The following NRXN3 variants were observed in gnomAD, a reference collection of about 807,000 sequenced individuals.
NRXN3 encodes neurexin III.
Under a neutral mutation model 137.6 loss-of-function variants are expected in NRXN3, and 32 were observed. The ratio of observed to expected loss-of-function variants is 0.23; its 90% CI spans 0.18 to 0.31. The LOEUF (loss-of-function observed/expected upper bound fraction) is 0.31. NRXN3 is among the 10% of genes least tolerant of loss of function. NRXN3 has a pLI of 1.00. For missense variants in NRXN3, 1,574 were observed against 2,062.5 expected, an observed-to-expected ratio of 0.76 and a Z score of 4.59; for synonymous variants, 798 against 784.5, an observed-to-expected ratio of 1.02 and a Z score of -0.29.
chr14:78,459,158 G>T (rs1400256065), intron 4 of NRXN3, among the ~76,000 whole-genome samples: 1 of 152,172 alleles, frequency 6.6e-6, no homozygotes, highest in African/African-American at 2.4e-5. Context: ...TTTATTGCCA[G>T]CCACTGAAAT....
intron 16 of NRXN3, among the ~76,000 whole-genome samples, chr14:79,526,371 T>A (rs952341345): frequency 2.0e-5 from 3 of 152,114 alleles, no homozygotes; most frequent in African/African-American, 4.8e-5. Flanking sequence ...TAAAAAAATT[T>A]TTTTGCAGAG....
At chr14:79,466,961 T>C (rs1024998386) in intron 15 of NRXN3, among the ~76,000 whole-genome samples, 2 of 152,218 alleles carry the variant, frequency 1.3e-5, no homozygotes, top group African/African-American at 4.8e-5. Context: ...CCCTCCACCG[T>C]TATGCAGCGG....
intron 19 of NRXN3, among the ~76,000 whole-genome samples, chr14:79,790,040 T>C (rs2099140343): frequency 6.6e-6 from 1 of 152,212 alleles, no homozygotes; most frequent in Non-Finnish European, 1.5e-5. Flanking sequence ...GTCTGGGATA[T>C]GCTGACTGCT....
intron 16 of NRXN3, among the ~76,000 whole-genome samples, chr14:79,504,371 C>T (rs545831506): frequency 9.5e-4 from 144 of 151,716 alleles, no homozygotes; most frequent in Non-Finnish European, 1.6e-3. Flanking sequence ...TTTAATGTTC[C>T]GTCATATAAT....
rs529062646 is a variant in NRXN3 at position 79,862,421 on chromosome 14, A to G, written c.*457A>G. 1 of 153,070 alleles carries G rather than the reference A, an allele frequency of 6.5e-6. No homozygotes were observed. Among genetic ancestry groups the G allele is most frequent in the Admixed American group, 6.5e-5 (1 of 15,306 alleles). 9.5% of individuals were successfully genotyped at this position (153,070 alleles called of 1,614,324 possible). Reference sequence around the variant, plus strand: ...TTTTTTCTGTTTAATTATGTAAAAAACAAAACTACAACAACAAAAAAAGAA... The same window carrying G: ...TTTTTTCTGTTTAATTATGTAAAAAGCAAAACTACAACAACAAAAAAAGAA... On this transcript the variant is annotated 3_prime_UTR_variant, in exon 21 of 21. Coordinates refer to ENST00000335750, the MANE Select transcript of NRXN3 (RefSeq NM_001330195.2).
chr14:78,650,097 C>A (rs1397013458), intron 5 of NRXN3, among the ~76,000 whole-genome samples: 1 of 151,624 alleles, frequency 6.6e-6, no homozygotes, highest in Non-Finnish European at 1.5e-5. Flanking sequence ...CTTTTCTTTT[C>A]TTTTCTTTTA....
chr14:79,666,955 C>T (rs1411468065), intron 17 of NRXN3, among the ~76,000 whole-genome samples: 2 of 151,956 alleles, frequency 1.3e-5, no homozygotes, highest in Admixed American at 6.6e-5. Flanking sequence ...TATACTAGAT[C>T]GAGGTTTATG....
chr14:79,697,289 T>C (rs2098739151), intron 18 of NRXN3, among the ~76,000 whole-genome samples: 2 of 152,018 alleles, frequency 1.3e-5, no homozygotes, highest in South Asian at 4.1e-4. Context: ...TAATTTATTC[T>C]GGTCATCACC....
intron 20 of NRXN3, among the ~76,000 whole-genome samples, chr14:79,834,972 TCATAAC>T (rs750752315): frequency 1.3e-5 from 2 of 151,984 alleles, no homozygotes; most frequent in Non-Finnish European, 2.9e-5. Flanking sequence ...TAATAGCCTC[TCATAAC>T]CACCGTTCTA....
intron 6 of NRXN3, among the ~76,000 whole-genome samples, chr14:78,682,736 T>C (rs552745723): frequency 1.2e-3 from 181 of 152,186 alleles, no homozygotes; most frequent in African/African-American, 4.3e-3. Flanking sequence ...TGGGGCTTGT[T>C]GGGGAAAGAA....
rs1035630052 is a variant in NRXN3, at chr14:78,904,845, C to T, written c.2276-52397C>T. Among the ~76,000 whole-genome samples the T allele has an allele frequency of 2.6e-4, 39 of 152,018 alleles. 1 individual carries two copies. Among genetic ancestry groups the T allele is most frequent in the Non-Finnish European group, 1.2e-4 (8 of 67,982 alleles). On this transcript the variant is annotated intron_variant, in intron 10 of 20. Coordinates refer to ENST00000335750, the MANE Select transcript of NRXN3 (RefSeq NM_001330195.2). ...AGTTACTGAATATGAATGACCTTTC[C>T]CTACACGGCTTTTCATAGTATATTC...
intron 6 of NRXN3, among the ~76,000 whole-genome samples, chr14:78,690,722 A>G (rs1161042959): frequency 6.6e-6 from 1 of 152,188 alleles, no homozygotes. Context: ...AGATATATCT[A>G]CACAAATTTG....
chr14:78,656,494 A>G (rs889869234), intron 6 of NRXN3, among the ~76,000 whole-genome samples: 1 of 152,184 alleles, frequency 6.6e-6, no homozygotes, highest in Non-Finnish European at 1.5e-5. Context: ...GGCCCAAATT[A>G]TAAGACTGGG....
intron 17 of NRXN3, among the ~76,000 whole-genome samples, chr14:79,666,501 A>C (rs1436645783): frequency 6.6e-6 from 1 of 152,068 alleles, no homozygotes; most frequent in African/African-American, 2.4e-5. Flanking sequence ...GATATTTTTT[A>C]TTCTCCATTT....
chr14:78,610,057 G>A (rs1355777223), intron 4 of NRXN3, among the ~76,000 whole-genome samples: 1 of 151,918 alleles, frequency 6.6e-6, no homozygotes, highest in African/African-American at 2.4e-5. Context: ...AGAGAGAGGA[G>A]AGAGAGAAAG....
chr14:78,675,094 G>A (rs930252619), intron 6 of NRXN3, among the ~76,000 whole-genome samples: 3 of 152,162 alleles, frequency 2.0e-5, no homozygotes, highest in Non-Finnish European at 4.4e-5. Context: ...TCATTGTCTA[G>A]AATGTGCCAG....
chr14:78,957,202 C>G lies in NRXN3; in HGVS notation c.2276-40C>G, dbSNP rs201276674. Reference sequence around the variant, plus strand: ...AACCCTGATGCATGAGCACTACTTTCAGAATTGATTCTAACTTTGGCACTT... The same window carrying G: ...AACCCTGATGCATGAGCACTACTTTGAGAATTGATTCTAACTTTGGCACTT... On this transcript the variant is annotated intron_variant, in intron 10 of 20. Coordinates refer to ENST00000335750, the MANE Select transcript of NRXN3 (RefSeq NM_001330195.2). 79 of 1,607,442 alleles carry G rather than the reference C, an allele frequency of 4.9e-5. No individual in the cohort carries two copies. The African/African-American group carries it at 1.0e-3, about 21-fold the overall frequency.
chr14:78,545,621 A>G (rs2096630312), intron 4 of NRXN3, among the ~76,000 whole-genome samples: 2 of 152,226 alleles, frequency 1.3e-5, no homozygotes, highest in Admixed American at 1.3e-4. Context: ...TTAGAAGAAC[A>G]CTATTGTGCA....
At chr14:78,406,402 G>A (rs1014109049) in intron 4 of NRXN3, among the ~76,000 whole-genome samples, 1 of 152,170 alleles carries the variant, frequency 6.6e-6, no homozygotes, top group African/African-American at 2.4e-5. Context: ...CATAGTTCCT[G>A]GGGCCACTTT....
Sources: allele counts gnomAD v4.1 joint callset (sites outside exome capture counted in the v4.1 genomes callset), GRCh38; gene constraint gnomAD v4.1.1; transcripts MANE v1.5; gene names NCBI Gene and HGNC (gene_info 2026-07-23, HGNC 2026-07-21).